TMEM132D: variants seen among roughly 807,000 people sequenced by gnomAD.
The protein encoded by TMEM132D is transmembrane protein 132D.
Under a neutral mutation model 62.3 loss-of-function variants are expected in TMEM132D, and 21 were observed. The observed-to-expected ratio is 0.34, with a 90% CI of 0.24 to 0.49. The LOEUF (loss-of-function observed/expected upper bound fraction) is 0.49, where lower values mean the gene tolerates loss of function less well. Ranked by LOEUF, TMEM132D falls within the 20% of genes least tolerant of loss-of-function variation. The pLI is 0.99. For missense variants in TMEM132D, 1,346 were observed against 1,402.8 expected (o/e 0.96, Z 0.65); for synonymous variants, 621 against 575.6 (o/e 1.08, Z -1.13).
At chr12:129,493,236 T>C (rs750568624) in intron 3 of TMEM132D, among the ~76,000 whole-genome samples, 1 of 152,222 alleles carries the variant, frequency 6.6e-6, no homozygotes, top group Non-Finnish European at 1.5e-5. Flanking sequence ...AAATATTTGC[T>C]TACAGCTACC....
intron 3 of TMEM132D, among the ~76,000 whole-genome samples, chr12:129,529,033 C>T (rs1455696940): frequency 6.6e-6 from 1 of 152,164 alleles, no homozygotes; most frequent in Admixed American, 6.5e-5. Context: ...TGCATGTACA[C>T]ACATATAACA....
chr12:129,192,147 C>T (rs1878423266), intron 5 of TMEM132D, among the ~76,000 whole-genome samples: 1 of 152,148 alleles, frequency 6.6e-6, no homozygotes, highest in Admixed American at 6.5e-5. Context: ...ATGGTTCCTA[C>T]TACCTTGACC....
intron 1 of TMEM132D, among the ~76,000 whole-genome samples, chr12:129,717,582 T>A (rs1035913989): frequency 6.7e-6 from 1 of 150,110 alleles, no homozygotes; most frequent in African/African-American, 2.4e-5. Context: ...ACACAGAATA[T>A]GGGAAACACA....
intron 4 of TMEM132D, among the ~76,000 whole-genome samples, chr12:129,260,154 A>C (rs1189741101): frequency 2.0e-5 from 3 of 152,194 alleles, no homozygotes; most frequent in Non-Finnish European, 2.9e-5. Context: ...TGGGGGGTTG[A>C]GAAGAGATAG....
chr12:129,276,048 T>C (rs1286284171), intron 4 of TMEM132D, among the ~76,000 whole-genome samples: 1 of 152,070 alleles, frequency 6.6e-6, no homozygotes, highest in East Asian at 1.9e-4. Context: ...TTTGTTTGTT[T>C]GTTTGTTTGT....
At chr12:129,757,367 C>T (rs1565975223) in intron 1 of TMEM132D, among the ~76,000 whole-genome samples, 1 of 152,046 alleles carries the variant, frequency 6.6e-6, no homozygotes, top group Non-Finnish European at 1.5e-5. Context: ...GGGGTCATTG[C>T]TTAAAGGTTG....
intron 3 of TMEM132D, among the ~76,000 whole-genome samples, chr12:129,420,304 C>CTGTTTT (rs1872266202): frequency 1.4e-5 from 1 of 69,890 alleles, no homozygotes; most frequent in Non-Finnish European, 2.5e-5. Flanking sequence ...TGCACGTTCT[C>CTGTTTT]TGTTTTTTTT....
intron 2 of TMEM132D, among the ~76,000 whole-genome samples, chr12:129,697,418 C>A (rs1881234143): frequency 6.6e-6 from 1 of 152,174 alleles, no homozygotes. Context: ...TCCAAGTTAA[C>A]CTCCAGCTGT....
At chr12:129,276,710 G>A (rs1375950587) in intron 4 of TMEM132D, among the ~76,000 whole-genome samples, 1 of 152,158 alleles carries the variant, frequency 6.6e-6, no homozygotes. Flanking sequence ...CAATTACTAA[G>A]TGTTTATTAT....
At chr12:129,357,120 G>A (rs1870088628) in intron 3 of TMEM132D, among the ~76,000 whole-genome samples, 2 of 151,782 alleles carry the variant, frequency 1.3e-5, no homozygotes, top group South Asian at 2.1e-4. Context: ...GGTGGCAGGT[G>A]CCTGTAGTCC....
intron 4 of TMEM132D, among the ~76,000 whole-genome samples, chr12:129,303,986 T>C (rs1881784162): frequency 2.0e-5 from 3 of 152,208 alleles, no homozygotes; most frequent in African/African-American, 7.2e-5. Flanking sequence ...GCGCCCTCGA[T>C]GGCTTAGATG....
chr12:129,192,746 G>A (rs565277115), intron 5 of TMEM132D, among the ~76,000 whole-genome samples: 165 of 152,316 alleles, frequency 1.1e-3, no homozygotes, highest in African/African-American at 3.6e-3. Flanking sequence ...TACAGCGGGT[G>A]TGTTGCACAC....
At chr12:129,346,394 G>T (rs1389959845) in intron 3 of TMEM132D, among the ~76,000 whole-genome samples, 1 of 151,986 alleles carries the variant, frequency 6.6e-6, no homozygotes, top group Non-Finnish European at 1.5e-5. Context: ...CACCTCCTGG[G>T]TTCATTGATT....
chr12:129,776,694 T>G (rs1193879693), intron 1 of TMEM132D, among the ~76,000 whole-genome samples: 2 of 72,684 alleles, frequency 2.8e-5, no homozygotes, highest in Non-Finnish European at 9.4e-5. Context: ...ACTGTGTTCC[T>G]TAACCATTTA....
intron 3 of TMEM132D, among the ~76,000 whole-genome samples, chr12:129,390,245 T>C (rs1054020495): frequency 6.6e-6 from 1 of 152,172 alleles, no homozygotes; most frequent in Non-Finnish European, 1.5e-5. Context: ...TGAAGTTCTA[T>C]TGGAACACTG....
intron 4 of TMEM132D, among the ~76,000 whole-genome samples, chr12:129,284,676 C>A (rs1375175419): frequency 6.6e-6 from 1 of 152,106 alleles, no homozygotes; most frequent in East Asian, 1.9e-4. Context: ...TGCCCATTGG[C>A]GGATGCATGG....
chr12:129,545,309 A>T (rs1035632785), intron 2 of TMEM132D, among the ~76,000 whole-genome samples: 2 of 152,084 alleles, frequency 1.3e-5, no homozygotes, highest in African/African-American at 4.8e-5. Context: ...CTGAAGCAAG[A>T]TCTATGCCTG....
chr12:129,801,877 A>C (rs1196434839), intron 1 of TMEM132D, among the ~76,000 whole-genome samples: 1 of 151,584 alleles, frequency 6.6e-6, no homozygotes, highest in African/African-American at 2.4e-5. Context: ...AGGCTCGAGA[A>C]CTACGTGAAG....
chr12:129,603,686 T>C (rs1878541260), intron 2 of TMEM132D, among the ~76,000 whole-genome samples: 1 of 152,174 alleles, frequency 6.6e-6, no homozygotes. Flanking sequence ...CTGGAGAGGA[T>C]ATGGAGAAAA....
Sources: allele counts gnomAD v4.1 joint callset (sites outside exome capture counted in the v4.1 genomes callset), GRCh38; gene constraint gnomAD v4.1.1; transcripts MANE v1.5; gene names NCBI Gene and HGNC (gene_info 2026-07-23, HGNC 2026-07-21).